Variants in HS6ST3 observed in about 807,000 individuals in gnomAD.
The protein encoded by HS6ST3 is heparan sulfate 6-O-sulfotransferase 3, also known as heparan-sulfate 6-O-sulfotransferase 3.
In HS6ST3, 12 loss-of-function variants were observed where a neutral mutation model predicts 36.7. That is an observed-to-expected ratio of 0.33 (90% CI 0.21 to 0.53). The LOEUF (loss-of-function observed/expected upper bound fraction) is 0.53. Among genes scored for constraint, HS6ST3 ranks in the 20% least tolerant of loss-of-function variants. The pLI is 0.95. For synonymous variants in HS6ST3, 240 were observed against 257.5 expected, an observed-to-expected ratio of 0.93 and a Z score of 0.65; for missense variants, 584 against 640.9, an observed-to-expected ratio of 0.91 and a Z score of 0.96.
chr13:96,781,114 A>G (rs1877514930), intron 1 of HS6ST3, among the ~76,000 whole-genome samples: 1 of 152,100 alleles, frequency 6.6e-6, no homozygotes, highest in Admixed American at 6.6e-5. Flanking sequence ...CATCTCTCCA[A>G]TTCCCCCATT....
chr13:96,740,120 G>T (rs1033016313), intron 1 of HS6ST3, among the ~76,000 whole-genome samples: 2 of 151,958 alleles, frequency 1.3e-5, no homozygotes, highest in African/African-American at 2.4e-5. Context: ...TCTCCTAATA[G>T]ATTATAAAAT....
Position 96,566,959 on chromosome 13 carries a change from C to G in HS6ST3, c.708-265531C>G, listed in dbSNP as rs181976947. Reference sequence around the variant, plus strand: ...TCAGAAAAAAACAGGAATTTCTCATCAAAGCGTTCTCTAATTTTACAAACA... The same window carrying G: ...TCAGAAAAAAACAGGAATTTCTCATGAAAGCGTTCTCTAATTTTACAAACA... On this transcript the variant is annotated intron_variant, in intron 1 of 1. Transcript: ENST00000376705. Among the ~76,000 whole-genome samples, 4 of 152,194 alleles carry G rather than the reference C, an allele frequency of 2.6e-5. No individual in the cohort carries two copies. In the East Asian group the frequency reaches 5.8e-4, roughly 22 times the overall value.
At chr13:96,416,582 AATTG>A (rs1760539948) in intron 1 of HS6ST3, among the ~76,000 whole-genome samples, 1 of 152,244 alleles carries the variant, frequency 6.6e-6, no homozygotes, top group African/African-American at 2.4e-5. Flanking sequence ...GAACTCAATA[AATTG>A]ATTGATTGGA....
intron 1 of HS6ST3, among the ~76,000 whole-genome samples, chr13:96,259,924 C>A (rs1302332344): frequency 6.6e-6 from 1 of 151,304 alleles, no homozygotes; most frequent in Non-Finnish European, 1.5e-5. Context: ...CTGCATTAAA[C>A]CATGATTTGG....
chr13:96,694,310 C>T (rs1213722582), intron 1 of HS6ST3, among the ~76,000 whole-genome samples: 2 of 152,138 alleles, frequency 1.3e-5, no homozygotes, highest in Admixed American at 6.6e-5. Context: ...TAATGGCCTC[C>T]AGCTGTATCC....
At chr13:96,312,556 T>A (rs2054946759) in intron 1 of HS6ST3, among the ~76,000 whole-genome samples, 1 of 152,166 alleles carries the variant, frequency 6.6e-6, no homozygotes, top group Non-Finnish European at 1.5e-5. Context: ...CTGTTAAAAA[T>A]CTCCTTAATA....
intron 1 of HS6ST3, among the ~76,000 whole-genome samples, chr13:96,096,522 A>G (rs1368060127): frequency 6.6e-6 from 1 of 152,198 alleles, no homozygotes; most frequent in Non-Finnish European, 1.5e-5. Context: ...TGCTTAGAAA[A>G]GAAAAAAAGG....
At chr13:96,306,927 A>G (rs1261609766) in intron 1 of HS6ST3, among the ~76,000 whole-genome samples, 1 of 152,220 alleles carries the variant, frequency 6.6e-6, no homozygotes, top group Non-Finnish European at 1.5e-5. Context: ...CCTGGAGCTG[A>G]TCCTGGATTG....
chr13:96,426,518 A>G (rs562031726), intron 1 of HS6ST3, among the ~76,000 whole-genome samples: 1 of 152,300 alleles, frequency 6.6e-6, no homozygotes, highest in South Asian at 2.1e-4. Context: ...AAGTAGGAAA[A>G]TGTTTATTTT....
intron 1 of HS6ST3, among the ~76,000 whole-genome samples, chr13:96,138,248 TA>T (rs2054012235): frequency 2.0e-5 from 3 of 152,068 alleles, no homozygotes; most frequent in Admixed American, 6.6e-5. Context: ...TGAAATAAAG[TA>T]GTGAATTATA....
At chr13:96,288,450 A>G (rs2054814373) in intron 1 of HS6ST3, among the ~76,000 whole-genome samples, 1 of 151,364 alleles carries the variant, frequency 6.6e-6, no homozygotes, top group African/African-American at 2.4e-5. Flanking sequence ...TAGAAAAAAT[A>G]GGTACTGTGA....
At chr13:96,618,377 A>T (rs2056482156) in intron 1 of HS6ST3, among the ~76,000 whole-genome samples, 1 of 152,202 alleles carries the variant, frequency 6.6e-6, no homozygotes, top group Non-Finnish European at 1.5e-5. Flanking sequence ...TAGAGATTAC[A>T]GGCATGAACC....
intron 1 of HS6ST3, among the ~76,000 whole-genome samples, chr13:96,691,040 A>G (rs969026314): frequency 5.9e-5 from 9 of 152,138 alleles, no homozygotes; most frequent in African/African-American, 2.2e-4. Flanking sequence ...ATGTCTGCAC[A>G]ATGGCAAATA....
At chr13:96,399,530 T>A (rs2055438677) in intron 1 of HS6ST3, among the ~76,000 whole-genome samples, 1 of 152,240 alleles carries the variant, frequency 6.6e-6, no homozygotes, top group South Asian at 2.1e-4. Context: ...GGCCTTAATT[T>A]ATATAAATAT....
chr13:96,345,436 G>A (rs1349179896), intron 1 of HS6ST3, among the ~76,000 whole-genome samples: 3 of 152,110 alleles, frequency 2.0e-5, no homozygotes, highest in Non-Finnish European at 4.4e-5. Flanking sequence ...TATTAGAACT[G>A]TATGAAGATG....
intron 1 of HS6ST3, among the ~76,000 whole-genome samples, chr13:96,690,582 C>T (rs1376301907): frequency 6.6e-6 from 1 of 152,108 alleles, no homozygotes; most frequent in Non-Finnish European, 1.5e-5. Flanking sequence ...ACTCTTGACT[C>T]TGGCATCTTG....
chr13:96,622,579 G>T (rs983095524), intron 1 of HS6ST3, among the ~76,000 whole-genome samples: 2 of 150,264 alleles, frequency 1.3e-5, no homozygotes, highest in Non-Finnish European at 3.0e-5. Context: ...AGGGTTTCAG[G>T]CAAGATTTGA....
chr13:96,475,608 C>A (rs1205075271), intron 1 of HS6ST3, among the ~76,000 whole-genome samples: 1 of 128,582 alleles, frequency 7.8e-6, no homozygotes, highest in Non-Finnish European at 1.6e-5. Context: ...CAGCGGAGTA[C>A]TACCAAAAAA....
At chr13:96,684,146 A>G (rs886067856) in intron 1 of HS6ST3, among the ~76,000 whole-genome samples, 5 of 152,120 alleles carry the variant, frequency 3.3e-5, no homozygotes, top group Non-Finnish European at 4.4e-5. Flanking sequence ...GCTCAGAGTG[A>G]AAACATTCTA....
Sources: allele counts gnomAD v4.1 joint callset (sites outside exome capture counted in the v4.1 genomes callset), GRCh38; gene constraint gnomAD v4.1.1; transcripts MANE v1.5; gene names NCBI Gene and HGNC (gene_info 2026-07-23, HGNC 2026-07-21).